Variants in PCDH9 observed in about 807,000 individuals in gnomAD.
PCDH9 encodes protocadherin-9.
A neutral mutation model predicts 70.6 loss-of-function variants in PCDH9; 24 were observed. That is an observed-to-expected ratio of 0.34 (90% CI 0.25 to 0.48). The LOEUF (loss-of-function observed/expected upper bound fraction) is 0.48. PCDH9 is among the 20% of genes least tolerant of loss of function. PCDH9 has a pLI of 0.99. For synonymous variants in PCDH9, 562 were observed against 558.5 expected, an observed-to-expected ratio of 1.01 and a Z score of -0.09; for missense variants, 1,281 against 1,503.6, an observed-to-expected ratio of 0.85 and a Z score of 2.45.
intron 2 of PCDH9, among the ~76,000 whole-genome samples, chr13:67,172,820 G>A (rs2088330657): frequency 6.8e-6 from 1 of 147,224 alleles, no homozygotes; most frequent in Admixed American, 7.0e-5. Context: ...GTAGGGTGCG[G>A]TGAGGCGAGA....
At chr13:67,143,760 G>C (rs1594571445) in intron 2 of PCDH9, among the ~76,000 whole-genome samples, 1 of 152,122 alleles carries the variant, frequency 6.6e-6, no homozygotes, top group Non-Finnish European at 1.5e-5. Flanking sequence ...AAGCAGAAGG[G>C]AGAGAAAGTC....
chr13:66,889,763 T>G (rs1420828476), intron 3 of PCDH9, among the ~76,000 whole-genome samples: 1 of 152,196 alleles, frequency 6.6e-6, no homozygotes, highest in Non-Finnish European at 1.5e-5. Flanking sequence ...TTTCTGCCAC[T>G]GTACTATTGC....
intron 4 of PCDH9, among the ~76,000 whole-genome samples, chr13:66,325,839 A>C (rs1955833360): frequency 1.3e-5 from 2 of 152,174 alleles, no homozygotes; most frequent in Admixed American, 1.3e-4. Flanking sequence ...TAGATTAACT[A>C]TGTGATCTTG....
chr13:66,986,959 T>C (rs1029809326), intron 2 of PCDH9, among the ~76,000 whole-genome samples: 1 of 151,976 alleles, frequency 6.6e-6, no homozygotes, highest in Non-Finnish European at 1.5e-5. Context: ...TTCCAGATGA[T>C]GTTTATGATA....
rs776942400 is a variant in PCDH9, at chr13:66,682,282, T to A, written c.3139-50871A>T. 1.9e-4 allele frequency among the ~76,000 whole-genome samples: 29 copies of A among 152,200 alleles called. 1 individual carries two copies. Among genetic ancestry groups the A allele is most frequent in the Admixed American group, 1.0e-3 (16 of 15,250 alleles). On this transcript the variant is annotated intron_variant, in intron 3 of 4. Transcript: ENST00000377865. ...TCGCCATTATAACACATAAAATTTT[T>A]GTGTCACTTCAGGCAATATTACCTC... is the stretch of plus-strand genomic sequence containing the variant.
At chr13:66,396,622 A>C (rs935123860) in intron 4 of PCDH9, among the ~76,000 whole-genome samples, 4 of 152,230 alleles carry the variant, frequency 2.6e-5, no homozygotes, top group East Asian at 3.8e-4. Flanking sequence ...AATATCTGTG[A>C]TTCTAGCGTC....
chr13:66,593,299 A>G (rs1170102803), intron 4 of PCDH9, among the ~76,000 whole-genome samples: 1 of 151,898 alleles, frequency 6.6e-6, no homozygotes, highest in South Asian at 2.1e-4. Context: ...TCACTGTTGT[A>G]TCAGAAACAA....
In PCDH9 at chr13:67,167,308, GT is replaced by G. The variant is rs572519966; in HGVS notation, c.3036+58096del. Among the ~76,000 whole-genome samples the G allele has an allele frequency of 7.1e-3, 1,077 of 152,132 alleles. 15 individuals carry two copies. The highest frequency in any genetic ancestry group is 0.025 in the African/African-American group (1,038 of 41,540). On this transcript the variant is annotated intron_variant, in intron 2 of 4. Coordinates refer to ENST00000377865, the MANE Select transcript of PCDH9 (RefSeq NM_203487.3). ...AATTACTTAAGTTCTTTGGGGTTCT[GT>G]TTCCCCTAATTTAAAATGAGGAGGA...
chr13:66,740,096 C>A (rs1240994348), intron 3 of PCDH9, among the ~76,000 whole-genome samples: 4 of 148,300 alleles, frequency 2.7e-5, no homozygotes, highest in South Asian at 4.3e-4. Context: ...GGAAGTAAAG[C>A]TCTCCTCAGC....
intron 2 of PCDH9, among the ~76,000 whole-genome samples, chr13:67,137,188 A>T (rs2087253889): frequency 6.6e-6 from 1 of 152,098 alleles, no homozygotes; most frequent in Non-Finnish European, 1.5e-5. Flanking sequence ...CAATGTGAGA[A>T]GCTGGGACTT....
intron 3 of PCDH9, among the ~76,000 whole-genome samples, chr13:66,834,157 C>CT (rs11431335): frequency 0.49 from 61,527 of 124,530 alleles, 16,625 homozygotes; most frequent in South Asian, 0.66. Flanking sequence ...TACCTATGGT[C>CT]TTTTTTTTTT....
chr13:66,606,212 T>G (rs1463752509), intron 4 of PCDH9, among the ~76,000 whole-genome samples: 1 of 152,122 alleles, frequency 6.6e-6, no homozygotes, highest in Non-Finnish European at 1.5e-5. Context: ...AAAGTCACAA[T>G]TTTTGTGCTT....
chr13:67,031,017 T>C (rs879534073), intron 2 of PCDH9, among the ~76,000 whole-genome samples: 4 of 152,092 alleles, frequency 2.6e-5, no homozygotes, highest in African/African-American at 9.7e-5. Flanking sequence ...GAGAGTAAAA[T>C]AAAGAAAAGG....
At chr13:67,205,711 A>C (rs2089323041) in intron 2 of PCDH9, 1 of 152,222 alleles carries the variant, frequency 6.6e-6, no homozygotes, top group Non-Finnish European at 1.5e-5. Flanking sequence ...TGCCAAACAC[A>C]ATATGGAAAG....
At chr13:66,762,523 T>G (rs904963778) in intron 3 of PCDH9, among the ~76,000 whole-genome samples, 1 of 152,056 alleles carries the variant, frequency 6.6e-6, no homozygotes, top group African/African-American at 2.4e-5. Context: ...GTGGAGGAAT[T>G]AAACAGGTAA....
chr13:66,341,113 A>T (rs1375692752), intron 4 of PCDH9, among the ~76,000 whole-genome samples: 1 of 151,996 alleles, frequency 6.6e-6, no homozygotes, highest in East Asian at 1.9e-4. Context: ...TATTTTATTT[A>T]TTTTTTATTT....
chr13:66,406,223 T>A (rs1030319052), intron 4 of PCDH9, among the ~76,000 whole-genome samples: 1 of 152,168 alleles, frequency 6.6e-6, no homozygotes, highest in Non-Finnish European at 1.5e-5. Flanking sequence ...ATCAGATGAA[T>A]GTGGTTCACC....
At chr13:66,830,014 G>A (rs2080898302) in intron 3 of PCDH9, among the ~76,000 whole-genome samples, 1 of 151,770 alleles carries the variant, frequency 6.6e-6, no homozygotes, top group African/African-American at 2.4e-5. Context: ...CAACAATTTG[G>A]TCTAGCCAAG....
At chr13:67,178,201 T>C (rs1255382081) in intron 2 of PCDH9, among the ~76,000 whole-genome samples, 2 of 152,040 alleles carry the variant, frequency 1.3e-5, no homozygotes, top group African/African-American at 4.8e-5. Flanking sequence ...CCAAGAGAGA[T>C]CTTGCTGAGA....
Sources: gnomAD v4.1 joint callset for allele counts (sites outside exome capture counted in the v4.1 genomes callset) on GRCh38, gnomAD v4.1.1 for gene constraint, MANE v1.5 for transcripts, NCBI Gene and HGNC (gene_info 2026-07-23, HGNC 2026-07-21) for gene names.